ITPR2: variants seen among roughly 807,000 people sequenced by gnomAD.
ITPR2 encodes inositol 1,4,5-trisphosphate-gated calcium channel ITPR2.
Under a neutral mutation model 317.1 loss-of-function variants are expected in ITPR2, and 207 were observed. The observed-to-expected ratio is 0.65, with a 90% CI of 0.58 to 0.73. The LOEUF (loss-of-function observed/expected upper bound fraction) is 0.73. Ranked by LOEUF, ITPR2 falls within the 30% of genes least tolerant of loss-of-function variation. The pLI, the probability that ITPR2 is intolerant of heterozygous loss-of-function variation, is 0.00. For synonymous variants in ITPR2, 1,156 were observed against 1,149.1 expected (o/e 1.01, Z -0.12); for missense variants, 2,613 against 3,284.0 (o/e 0.80, Z 4.99).
At chr12:26,411,787 C>G (rs1232059185) in intron 51 of ITPR2, among the ~76,000 whole-genome samples, 1 of 152,154 alleles carries the variant, frequency 6.6e-6, no homozygotes, top group Non-Finnish European at 1.5e-5. Context: ...TCCCTGAGCC[C>G]TAAGCCACTC....
At position 26,671,218 on chromosome 12, in the gene ITPR2, A is replaced by G. The variant is rs980104105; in HGVS notation, c.1410-5167T>C. Among the ~76,000 whole-genome samples the G allele has an allele frequency of 7.2e-5, 11 of 152,234 alleles. No homozygotes were observed. The East Asian group carries it at 1.2e-3, about 16-fold the overall frequency. ...AGAGAACGCCACAAAGATACTCCTC[A>G]AGAAGAGCAACTCCAAGACACATAA... On this transcript the variant is annotated intron_variant, in intron 13 of 56. Transcript: ENST00000381340.
In ITPR2 at chr12:26,734,840, T is replaced by C. The variant is rs187665291; in HGVS notation, c.164-9075A>G. Among the ~76,000 whole-genome samples, 22 of 152,238 alleles carry C rather than the reference T, an allele frequency of 1.4e-4. No homozygotes were observed. The East Asian group carries it at 4.2e-3, about 29-fold the overall frequency. ...TAATAACAAAAAGATCATGGAGTCT[T>C]ATTCATCATTATTATTACATATTTA... On this transcript the variant is annotated intron_variant, in intron 2 of 56. Transcript: ENST00000381340.
At chr12:26,739,338 C>G (rs1399712092) in intron 2 of ITPR2, among the ~76,000 whole-genome samples, 1 of 152,216 alleles carries the variant, frequency 6.6e-6, no homozygotes, top group Non-Finnish European at 1.5e-5. Context: ...TATGTCCACA[C>G]AAAGCATTGT....
At chr12:26,501,005 T>C (rs141609844) in intron 37 of ITPR2, among the ~76,000 whole-genome samples, 41 of 152,176 alleles carry the variant, frequency 2.7e-4, no homozygotes, top group African/African-American at 9.6e-4. Flanking sequence ...AATCAAGATA[T>C]CATGAAAAAA....
At chr12:26,507,863 C>CTGTGTGTGTG (rs1555144092) in intron 37 of ITPR2, among the ~76,000 whole-genome samples, 20 of 132,274 alleles carry the variant, frequency 1.5e-4, no homozygotes, top group African/African-American at 4.7e-4. Context: ...CTCTCTGTCT[C>CTGTGTGTGTG]TGTGTGTGTG....
At chr12:26,599,648 A>G (rs1945944234) in intron 29 of ITPR2, among the ~76,000 whole-genome samples, 1 of 152,118 alleles carries the variant, frequency 6.6e-6, no homozygotes, top group Non-Finnish European at 1.5e-5. Context: ...GCTCAAACAC[A>G]TTTTACAGAC....
intron 37 of ITPR2, among the ~76,000 whole-genome samples, chr12:26,527,253 G>T (rs549283517): frequency 6.6e-6 from 1 of 152,254 alleles, no homozygotes; most frequent in South Asian, 2.1e-4. Context: ...TTCTATACTG[G>T]AGTACAAACT....
In ITPR2 at chr12:26,788,395, C is replaced by T. The variant is rs547498309; in HGVS notation, c.163+1762G>A. On this transcript the variant is annotated intron_variant, in intron 2 of 56. Transcript: ENST00000381340. ...GGTAGGTGACCTACTTAAGATGACACAGGCAGCAAGCAGTACAGTCAAAAC... is the reference window on the plus strand; with the variant it reads ...GGTAGGTGACCTACTTAAGATGACATAGGCAGCAAGCAGTACAGTCAAAAC... Among the ~76,000 whole-genome samples, 25 of 152,334 alleles carry T rather than the reference C, an allele frequency of 1.6e-4. No homozygotes were observed. In the South Asian group the frequency reaches 5.2e-3, roughly 32 times the overall value.
intron 55 of ITPR2, among the ~76,000 whole-genome samples, chr12:26,346,651 GT>G (rs1327183347): frequency 6.6e-6 from 1 of 151,856 alleles, no homozygotes; most frequent in Non-Finnish European, 1.5e-5. Context: ...GCTGTGCTAT[GT>G]TTTCATATTT....
At chr12:26,374,361 G>C (rs922327297) in intron 55 of ITPR2, among the ~76,000 whole-genome samples, 3 of 152,214 alleles carry the variant, frequency 2.0e-5, no homozygotes, top group Admixed American at 6.5e-5. Flanking sequence ...GGCCATGGCT[G>C]TCTTTATCTC....
chr12:26,781,713 T>C (rs1950080042), intron 2 of ITPR2, among the ~76,000 whole-genome samples: 1 of 151,990 alleles, frequency 6.6e-6, no homozygotes, highest in Admixed American at 6.6e-5. Context: ...GATGTGTCTG[T>C]GAGGGTGTTG....
intron 2 of ITPR2, among the ~76,000 whole-genome samples, chr12:26,763,042 A>C (rs1284646073): frequency 1.3e-5 from 2 of 152,118 alleles, no homozygotes; most frequent in Non-Finnish European, 2.9e-5. Context: ...GATTCTAGAG[A>C]TCTATTGTAC....
chr12:26,564,605 T>A (rs1296184160), intron 34 of ITPR2, among the ~76,000 whole-genome samples: 1 of 152,196 alleles, frequency 6.6e-6, no homozygotes, highest in Non-Finnish European at 1.5e-5. Context: ...CCAATTCAAC[T>A]GGTGTCCTTA....
chr12:26,617,320 A>T (rs944988985), intron 26 of ITPR2, among the ~76,000 whole-genome samples: 2 of 152,238 alleles, frequency 1.3e-5, no homozygotes, highest in Non-Finnish European at 2.9e-5. Flanking sequence ...ATGCCAATAA[A>T]TTCGAAGATT....
chr12:26,516,466 G>A (rs1051019796), intron 37 of ITPR2, among the ~76,000 whole-genome samples: 1 of 151,894 alleles, frequency 6.6e-6, no homozygotes, highest in Non-Finnish European at 1.5e-5. Context: ...AGGGCTTTGG[G>A]GTCTTCAAAG....
chr12:26,352,028 A>C (rs546825280), intron 55 of ITPR2, among the ~76,000 whole-genome samples: 4 of 152,336 alleles, frequency 2.6e-5, no homozygotes, highest in Admixed American at 2.6e-4. Context: ...CATTCGTCCA[A>C]TGTGTGGCTG....
At chr12:26,738,260 T>C (rs1342980872) in intron 2 of ITPR2, among the ~76,000 whole-genome samples, 1 of 152,228 alleles carries the variant, frequency 6.6e-6, no homozygotes, top group Admixed American at 6.5e-5. Context: ...TGTTCTTTTA[T>C]ACACTAAAGA....
chr12:26,543,796 C>T (rs1164939856), intron 37 of ITPR2, among the ~76,000 whole-genome samples: 1 of 151,978 alleles, frequency 6.6e-6, no homozygotes, highest in African/African-American at 2.4e-5. Flanking sequence ...ACACTGCCCT[C>T]CAGCCATTTT....
At chr12:26,601,246 T>C (rs144207316) in intron 28 of ITPR2, among the ~76,000 whole-genome samples, 3 of 152,268 alleles carry the variant, frequency 2.0e-5, no homozygotes, top group Admixed American at 2.0e-4. Context: ...TTTATATTAA[T>C]ATTAAATAAA....
Sources: allele counts gnomAD v4.1 joint callset (sites outside exome capture counted in the v4.1 genomes callset), GRCh38; gene constraint gnomAD v4.1.1; transcripts MANE v1.5; gene names NCBI Gene and HGNC (gene_info 2026-07-23, HGNC 2026-07-21).